Variants in PMEPA1 observed in about 807,000 individuals in gnomAD.
The protein encoded by PMEPA1 is protein TMEPAI.
In PMEPA1, 11 loss-of-function variants were observed where a neutral mutation model predicts 23.0. The ratio of observed to expected loss-of-function variants is 0.48; its 90% CI spans 0.30 to 0.79. PMEPA1 has a LOEUF of 0.79. Ranked by LOEUF, PMEPA1 falls within the 30% of genes least tolerant of loss-of-function variation. The probability of loss-of-function intolerance (pLI) is 0.06; values close to 1 mark genes in which losing one functional copy is unlikely to be tolerated. For missense variants in PMEPA1, 377 were observed against 390.9 expected (o/e 0.96, Z 0.30); for synonymous variants, 204 against 166.4 (o/e 1.23, Z -1.74).
At chr20:57,657,736 T>G (rs117187379) in intron 2 of PMEPA1, among the ~76,000 whole-genome samples, 3,111 of 152,294 alleles carry the variant, frequency 0.02, 54 homozygotes, top group Non-Finnish European at 0.031. Flanking sequence ...GGACAGGCCT[T>G]CCGGCTAGGG....
Position 57,709,782 on chromosome 20 carries a change from C to A in PMEPA1, c.-200G>T. ...GCGCGGGACCGCGCTCCGCTGCGCC[C>A]CCCCGGCCTCCCCTCGGCAGCCCCG... On this transcript the variant is annotated 5_prime_UTR_variant, in exon 1 of 4. Transcript: ENST00000341744. 1.0e-6 allele frequency: 1 copy of A among 982,004 alleles called. No individual in the cohort carries two copies. 60.8% of individuals were successfully genotyped at this position (982,004 alleles called of 1,614,324 possible).
intron 1 of PMEPA1, among the ~76,000 whole-genome samples, chr20:57,707,785 G>T (rs914812697): frequency 6.6e-6 from 1 of 152,040 alleles, no homozygotes; most frequent in East Asian, 1.9e-4. Context: ...TTTACAGAGC[G>T]AAAGGCAAAA....
At chr20:57,686,688 C>G (rs548532131) in intron 1 of PMEPA1, among the ~76,000 whole-genome samples, 6 of 152,408 alleles carry the variant, frequency 3.9e-5, no homozygotes, top group East Asian at 3.9e-4. Flanking sequence ...CTCCTTCCCC[C>G]TCTCTGGGCC....
At chr20:57,676,076 C>T (rs2146674096) in intron 1 of PMEPA1, among the ~76,000 whole-genome samples, 1 of 152,368 alleles carries the variant, frequency 6.6e-6, no homozygotes, top group Admixed American at 6.5e-5. Flanking sequence ...GAGGTTCTGA[C>T]CAACTGTTCT....
intron 1 of PMEPA1, among the ~76,000 whole-genome samples, chr20:57,688,274 T>G (rs1015060013): frequency 2.7e-4 from 41 of 152,106 alleles, no homozygotes; most frequent in African/African-American, 8.5e-4. Flanking sequence ...GAGGGGGGTG[T>G]CTGGGGCCTG....
chr20:57,698,203 C>T (rs914749161), intron 1 of PMEPA1, among the ~76,000 whole-genome samples: 2 of 152,138 alleles, frequency 1.3e-5, no homozygotes, highest in East Asian at 1.9e-4. Context: ...TCTATCCTAA[C>T]GATCAACAGC....
intron 1 of PMEPA1, among the ~76,000 whole-genome samples, chr20:57,672,205 G>T (rs1192408835): frequency 1.3e-5 from 2 of 152,264 alleles, no homozygotes; most frequent in Non-Finnish European, 2.9e-5. Flanking sequence ...GCACGCGCAC[G>T]TGTGTGCCTG....
At chr20:57,707,907 A>G (rs1446455026) in intron 1 of PMEPA1, among the ~76,000 whole-genome samples, 3 of 152,226 alleles carry the variant, frequency 2.0e-5, no homozygotes, top group African/African-American at 7.2e-5. Flanking sequence ...TCCTGAGTTC[A>G]CAAAGGGCCT....
rs1354761575 is a variant in PMEPA1 at position 57,652,331 on chromosome 20, G to T, written c.586C>A (p.Leu196Met). ...PPNRTIFDSD[L>M]MDSARLGGPC... Reference sequence around the variant, plus strand: ...CCGCCCAGCCTGGCACTATCCATCAGGTCACTGTCGAAGATGGTTCTGTTT... The same window carrying T: ...CCGCCCAGCCTGGCACTATCCATCATGTCACTGTCGAAGATGGTTCTGTTT... The change falls in exon 4 of 4, where the codon CTG becomes ATG. Residue 196 changes from leucine to methionine, a missense_variant. This residue lies in a region of PMEPA1 where 176 missense variants were observed against 173.0 expected (regional missense o/e 1.02). Coordinates refer to ENST00000341744, the MANE Select transcript of PMEPA1 (RefSeq NM_020182.5). The surrounding 1 kb of genome is among the most constrained non-coding windows in gnomAD (Gnocchi z 6.1). The T allele has an allele frequency of 1.9e-6, 3 of 1,612,590 alleles. No individual in the cohort carries two copies. Among genetic ancestry groups the T allele is most frequent in the Non-Finnish European group, 1.7e-6 (2 of 1,179,870 alleles).
intron 1 of PMEPA1, among the ~76,000 whole-genome samples, chr20:57,663,414 C>T (rs1034186931): frequency 3.9e-5 from 6 of 151,958 alleles, no homozygotes; most frequent in Non-Finnish European, 5.9e-5. Flanking sequence ...CCTGTGTCAG[C>T]GGGGGGACGG....
intron 1 of PMEPA1, among the ~76,000 whole-genome samples, chr20:57,677,200 G>A (rs565115690): frequency 2.8e-4 from 43 of 152,326 alleles, no homozygotes; most frequent in Non-Finnish European, 5.7e-4. Context: ...AGTATGGTCA[G>A]GAGCATGGAT....
Position 57,709,792 on chromosome 20 carries a change from C to T in PMEPA1, c.-210G>A. On this transcript the variant is annotated 5_prime_UTR_variant, in exon 1 of 4. Coordinates refer to ENST00000341744, the MANE Select transcript of PMEPA1 (RefSeq NM_020182.5). ...GCGCTCCGCTGCGCCCCCCCGGCCT[C>T]CCCTCGGCAGCCCCGGGGGCGTCGG... The T allele has an allele frequency of 1.0e-6, 1 of 982,848 alleles. No individual in the cohort carries two copies. Among genetic ancestry groups the T allele is most frequent in the Non-Finnish European group, 1.2e-6 (1 of 828,722 alleles). The allele number at this position is 982,848 out of a possible 1,614,324, so 60.9% of individuals were successfully genotyped here.
At chr20:57,653,232 G>T (rs1600770335) in intron 2 of PMEPA1, 146 bp from the exon 3 acceptor site, 1 of 706,582 alleles carries the variant, frequency 1.4e-6, no homozygotes, top group African/African-American at 1.7e-5. Flanking sequence ...AGCTTCCCCA[G>T]CCCCTGGCCC....
At chr20:57,693,885 G>C (rs2071913987) in intron 1 of PMEPA1, among the ~76,000 whole-genome samples, 1 of 152,356 alleles carries the variant, frequency 6.6e-6, no homozygotes, top group East Asian at 1.9e-4. Flanking sequence ...GAAGTACTCA[G>C]TGAAGTGCTG....
At chr20:57,695,683 T>C (rs2071934996) in intron 1 of PMEPA1, among the ~76,000 whole-genome samples, 1 of 152,224 alleles carries the variant, frequency 6.6e-6, no homozygotes, top group Admixed American at 6.5e-5. Flanking sequence ...AGTACTCCTC[T>C]GATTAGCACC....
chr20:57,684,773 G>T (rs535845558), intron 1 of PMEPA1, among the ~76,000 whole-genome samples: 29 of 151,720 alleles, frequency 1.9e-4, no homozygotes, highest in East Asian at 3.9e-4. Context: ...ATTTGTCTAG[G>T]CATGTAGGCA....
At chr20:57,685,801 G>C (rs2071793624) in intron 1 of PMEPA1, among the ~76,000 whole-genome samples, 2 of 152,116 alleles carry the variant, frequency 1.3e-5, no homozygotes, top group Admixed American at 1.3e-4. Flanking sequence ...CACTTAAAGG[G>C]GGCGTGTGGC....
intron 1 of PMEPA1, among the ~76,000 whole-genome samples, chr20:57,676,654 C>T (rs550981965): frequency 2.0e-5 from 3 of 152,208 alleles, no homozygotes; most frequent in South Asian, 4.1e-4. Context: ...CTCAAGGGGC[C>T]GACTGGCTGG....
intron 1 of PMEPA1, among the ~76,000 whole-genome samples, chr20:57,684,209 G>A (rs1262154934): frequency 6.6e-6 from 1 of 151,200 alleles, no homozygotes; most frequent in Non-Finnish European, 1.5e-5. Context: ...CGGGAGGGGA[G>A]GCGGGTGGAA....
Sources: gnomAD v4.1 joint callset for allele counts (sites outside exome capture counted in the v4.1 genomes callset) on GRCh38, gnomAD v4.1.1 for gene constraint, gnomAD v4.1.1 regional missense constraint, Gnocchi (gnomAD v3.1) non-coding constraint, MANE v1.5 for transcripts, NCBI Gene and HGNC (gene_info 2026-07-23, HGNC 2026-07-21) for gene names.